SNX4: variants seen among roughly 807,000 people sequenced by gnomAD.
SNX4 encodes sorting nexin 4.
Under a neutral mutation model 70.8 loss-of-function variants are expected in SNX4, and 49 were observed. That is an observed-to-expected ratio of 0.69 (90% CI 0.55 to 0.88). The LOEUF is 0.88. SNX4 is among the 40% of genes least tolerant of loss of function. SNX4 has a pLI of 0.00. For synonymous variants in SNX4, 206 were observed against 183.8 expected, an observed-to-expected ratio of 1.12 and a Z score of -0.98; for missense variants, 528 against 544.8, an observed-to-expected ratio of 0.97 and a Z score of 0.31.
At chr3:125,486,985 A>G (rs1934546983) in intron 6 of SNX4, among the ~76,000 whole-genome samples, 1 of 152,178 alleles carries the variant, frequency 6.6e-6, no homozygotes, top group African/African-American at 2.4e-5. Context: ...TAAAAGTAGA[A>G]GACTCCAGGC....
chr3:125,502,200 T>G (rs1934943292), intron 2 of SNX4, among the ~76,000 whole-genome samples: 1 of 152,170 alleles, frequency 6.6e-6, no homozygotes, highest in African/African-American at 2.4e-5. Context: ...GAAACAAAAA[T>G]CCTCTCACAG....
At chr3:125,508,944 A>G (rs755264379) in intron 1 of SNX4, among the ~76,000 whole-genome samples, 2 of 152,192 alleles carry the variant, frequency 1.3e-5, no homozygotes, top group African/African-American at 2.4e-5. Flanking sequence ...GGATTTAACC[A>G]TGGTTTCTTG....
At chr3:125,457,666 C>T (rs1463625112) in intron 10 of SNX4, among the ~76,000 whole-genome samples, 3 of 151,100 alleles carry the variant, frequency 2.0e-5, no homozygotes, top group Non-Finnish European at 4.4e-5. Flanking sequence ...CAACCTCCGC[C>T]TCCCGGGTTC....
intron 13 of SNX4, among the ~76,000 whole-genome samples, chr3:125,448,406 A>T (rs1933484153): frequency 6.6e-6 from 1 of 151,722 alleles, no homozygotes; most frequent in Non-Finnish European, 1.5e-5. Context: ...AAGTGCTGGC[A>T]TCACAGGTGT....
intron 6 of SNX4, among the ~76,000 whole-genome samples, chr3:125,489,077 T>C (rs1934596498): frequency 6.6e-6 from 1 of 152,214 alleles, no homozygotes; most frequent in South Asian, 2.1e-4. Flanking sequence ...ATAATTTTCT[T>C]ATCTTGAGCT....
At chr3:125,514,123 C>T (rs1338798656) in intron 1 of SNX4, among the ~76,000 whole-genome samples, 1 of 151,750 alleles carries the variant, frequency 6.6e-6, no homozygotes, top group Non-Finnish European at 1.5e-5. Context: ...TTCCACCAAA[C>T]ACCATCACAA....
intron 1 of SNX4, among the ~76,000 whole-genome samples, chr3:125,506,817 TAAAAAAAAAAAAAAAAAAAAAAAAAAA>T (rs71148182): frequency 7.5e-5 from 2 of 26,834 alleles, no homozygotes; most frequent in Admixed American, 7.5e-4. Context: ...GTGGAGAAAG[TAAAAAAAAAAAAAAAAAAAAAAAAAAA>T]AAAAAAAAAA....
chr3:125,451,469 G>T (rs145206695), intron 12 of SNX4, 50 bp from the exon 13 acceptor site: 1 of 1,341,384 alleles, frequency 7.5e-7, no homozygotes, highest in South Asian at 1.2e-5. Flanking sequence ...AATAAACTGT[G>T]TACTAAAAAG....
chr3:125,519,959 GC>G, intron 1 of SNX4, 72 bp downstream of exon 1: 2 of 1,004,502 alleles, frequency 2.0e-6, no homozygotes, highest in Non-Finnish European at 2.7e-6. Context: ...GCCCAGCCCA[GC>G]CCAGCCCAGC....
chr3:125,469,225 T>A (rs1485774404), intron 9 of SNX4, among the ~76,000 whole-genome samples: 6 of 152,220 alleles, frequency 3.9e-5, no homozygotes, highest in African/African-American at 1.4e-4. Flanking sequence ...TGTATGGAAA[T>A]GAACATACCT....
chr3:125,503,518 T>C (rs1934977517), intron 2 of SNX4, among the ~76,000 whole-genome samples: 1 of 152,176 alleles, frequency 6.6e-6, no homozygotes. Flanking sequence ...TTTTTAAAGG[T>C]GTCTACTTCC....
At chr3:125,471,703 A>C (rs1327884032) in intron 8 of SNX4, among the ~76,000 whole-genome samples, 1 of 152,216 alleles carries the variant, frequency 6.6e-6, no homozygotes, top group South Asian at 2.1e-4. Context: ...ATGCATAGTT[A>C]CTGGTACTTA....
chr3:125,458,423 T>C (rs559662274), intron 10 of SNX4, among the ~76,000 whole-genome samples: 1 of 152,238 alleles, frequency 6.6e-6, no homozygotes, highest in African/African-American at 2.4e-5. Flanking sequence ...TCCACCTCAG[T>C]TTCCCAAAGT....
chr3:125,512,804 C>T (rs1935196540), intron 1 of SNX4, among the ~76,000 whole-genome samples: 1 of 151,558 alleles, frequency 6.6e-6, no homozygotes. Context: ...AGAGTGTCAC[C>T]CAGGCTGGAG....
rs199880846 is a variant in SNX4 at position 125,519,401 on chromosome 3, TC to T, written c.141+630del. 8.2e-3 allele frequency among the ~76,000 whole-genome samples: 1,247 copies of T among 152,110 alleles called. 13 individuals are homozygous for T. The highest frequency in any genetic ancestry group is 0.028 in the African/African-American group (1,171 of 41,500). On this transcript the variant is annotated intron_variant, in intron 1 of 13. Coordinates refer to ENST00000251775, the MANE Select transcript of SNX4 (RefSeq NM_003794.4). ...AGTCTCCAATGGGAAACACAGCACT[TC>T]CCCCAAAACAAAGAAATTACAGCCA...
chr3:125,504,437 C>T (rs1935002979), intron 2 of SNX4, among the ~76,000 whole-genome samples, 186 bp downstream of exon 2: 2 of 151,258 alleles, frequency 1.3e-5, no homozygotes, highest in South Asian at 2.1e-4. Flanking sequence ...TGAGCCATGA[C>T]TACACCACTG....
chr3:125,518,234 G>A (rs1323909992), intron 1 of SNX4, among the ~76,000 whole-genome samples: 1 of 152,104 alleles, frequency 6.6e-6, no homozygotes, highest in Non-Finnish European at 1.5e-5. Flanking sequence ...TGAGGCAGGA[G>A]GACAGCTTGA....
At chr3:125,516,475 G>A (rs1038406509) in intron 1 of SNX4, among the ~76,000 whole-genome samples, 11 of 152,128 alleles carry the variant, frequency 7.2e-5, no homozygotes, top group South Asian at 2.1e-4. Flanking sequence ...ACTCTTTGGC[G>A]GTGCAGTTTC....
chr3:125,447,879 C>T, intron 13 of SNX4, 53 bp from the exon 14 acceptor site: 5 of 1,236,700 alleles, frequency 4.0e-6, no homozygotes, highest in Non-Finnish European at 4.6e-6. Context: ...AATCTGAAAA[C>T]CCAAGTACTT....
Sources: allele counts gnomAD v4.1 joint callset (sites outside exome capture counted in the v4.1 genomes callset), GRCh38; gene constraint gnomAD v4.1.1; transcripts MANE v1.5; gene names NCBI Gene and HGNC (gene_info 2026-07-23, HGNC 2026-07-21).